Variants in OR4K17 observed in about 807,000 individuals in gnomAD.
OR4K17 encodes the protein olfactory receptor 4K17.
For synonymous variants in OR4K17, 157 were observed against 132.8 expected (o/e 1.18, Z -1.25); for missense variants, 480 against 366.3 (o/e 1.31, Z -2.53).
intron 1 of OR4K17, among the ~76,000 whole-genome samples, chr14:20,115,443 GTTA>G (rs945154381): frequency 1.3e-5 from 2 of 152,050 alleles, no homozygotes; most frequent in Non-Finnish European, 1.5e-5. Context: ...ATATTTTCAT[GTTA>G]TTATATAGTT....
At position 20,120,820 on chromosome 14, in the gene OR4K17, T is replaced by A. The variant is rs138778561; in HGVS notation, c.*2382T>A. ...AACCACCACAAGCAGTTTCTCAAGC[T>A]GGACCCAGTGCCAAGAGGGATTCCT... On this transcript the variant is annotated 3_prime_UTR_variant, in exon 2 of 2. Transcript: ENST00000641386. 3 of 152,464 alleles carry A rather than the reference T, an allele frequency of 2.0e-5. No homozygotes were observed. Among genetic ancestry groups the A allele is most frequent in the Non-Finnish European group, 4.4e-5 (3 of 68,156 alleles). The allele number at this position is 152,464 out of a possible 1,614,324, so 9.4% of individuals were successfully genotyped here. A position where few individuals can be genotyped will look rare whatever the true frequency, so the allele number is the denominator to read the frequency against.
chr14:20,112,720 G>T (rs1340379099), intron 1 of OR4K17, among the ~76,000 whole-genome samples: 2 of 152,052 alleles, frequency 1.3e-5, no homozygotes, highest in South Asian at 4.1e-4. Context: ...TACATCTGTC[G>T]AGGTGAGACA....
In OR4K17 at chr14:20,119,033, G is replaced by A. The variant is rs1449015938; in HGVS notation, c.*595G>A. The A allele has an allele frequency of 1.3e-5, 2 of 152,152 alleles. No individual in the cohort carries two copies. The highest frequency in any genetic ancestry group is 1.9e-4 in the East Asian group (1 of 5,188). The allele number at this position is 152,152 out of a possible 1,614,324, so 9.4% of individuals were successfully genotyped here. On this transcript the variant is annotated 3_prime_UTR_variant, in exon 2 of 2. Transcript: ENST00000641386. ...CGTGTAAGACAGACATTGCCAGAGCGGCCATTTTAGAGACCTCCCCCTAGG... is the reference window on the plus strand; with the variant it reads ...CGTGTAAGACAGACATTGCCAGAGCAGCCATTTTAGAGACCTCCCCCTAGG...
At chr14:20,113,213 A>G (rs575721775) in intron 1 of OR4K17, among the ~76,000 whole-genome samples, 13 of 152,218 alleles carry the variant, frequency 8.5e-5, no homozygotes, top group African/African-American at 3.1e-4. Context: ...GCAACAAAAT[A>G]TGAAAAATAA....
rs781439003 is a variant in OR4K17 at position 20,117,607 on chromosome 14, G to A, written c.108G>A (p.Val36=). Residue 36 remains valine, a synonymous_variant, in exon 2 of 2, where the codon GTG becomes GTA. Coordinates refer to ENST00000641386, the MANE Select transcript of OR4K17 (RefSeq NM_001004715.5). ...LLFALFSVIY[V]VTVLGNLLII... The stretch of plus-strand genomic sequence containing the variant: ...TTGCCCTCTTCTCGGTTATCTATGT[G>A]GTCACAGTTTTGGGTAACCTTCTTA... 2.5e-6 allele frequency: 4 copies of A among 1,613,550 alleles called. No individual in the cohort carries two copies. The highest frequency in any genetic ancestry group is 2.7e-5 in the African/African-American group (2 of 74,788).
chr14:20,114,699 C>G (rs1283708811), intron 1 of OR4K17, among the ~76,000 whole-genome samples: 6 of 151,996 alleles, frequency 3.9e-5, no homozygotes, highest in Non-Finnish European at 8.8e-5. Flanking sequence ...CCCAAGTCCT[C>G]ATTCACTGAA....
chr14:20,119,561 C>A lies in OR4K17; in HGVS notation c.*1123C>A. ...TCTTCTGTCACGGCTTCAGCAGGTC[C>A]CTCTGTTCGGGGTCCCTGACTTCCC... On this transcript the variant is annotated 3_prime_UTR_variant, in exon 2 of 2. Coordinates refer to ENST00000641386, the MANE Select transcript of OR4K17 (RefSeq NM_001004715.5). The A allele has an allele frequency of 6.6e-6, 1 of 152,616 alleles. No individual in the cohort carries two copies. The highest frequency in any genetic ancestry group is 1.9e-4 in the South Asian group (1 of 5,140). 9.5% of individuals were successfully genotyped at this position (152,616 alleles called of 1,614,324 possible).
intron 1 of OR4K17, among the ~76,000 whole-genome samples, chr14:20,112,932 T>C (rs1487821361): frequency 6.6e-6 from 1 of 152,048 alleles, no homozygotes; most frequent in East Asian, 1.9e-4. Context: ...TTATGCAAAA[T>C]GCTGTAGGCA....
intron 1 of OR4K17, among the ~76,000 whole-genome samples, chr14:20,116,007 T>C (rs1877983240): frequency 6.6e-6 from 1 of 152,128 alleles, no homozygotes; most frequent in African/African-American, 2.4e-5. Flanking sequence ...AATAGATTCA[T>C]AAAAGATAAT....
rs965495414 is a variant in OR4K17 at position 20,119,379 on chromosome 14, A to G, written c.*941A>G. 1 of 152,380 alleles carries G rather than the reference A, an allele frequency of 6.6e-6. No individual in the cohort carries two copies. The highest frequency in any genetic ancestry group is 1.9e-4 in the East Asian group (1 of 5,188). The allele number at this position is 152,380 out of a possible 1,614,324, so 9.4% of individuals were successfully genotyped here. A position where few individuals can be genotyped will look rare whatever the true frequency, so the allele number is the denominator to read the frequency against. On this transcript the variant is annotated 3_prime_UTR_variant, in exon 2 of 2. Transcript: ENST00000641386. The stretch of plus-strand genomic sequence containing the variant: ...TTAAGAGATTAAAGTAAAGACAGGC[A>G]TAGGAAATCACAAGAGTATTGATTG...
chr14:20,113,640 G>A (rs1202583855), intron 1 of OR4K17, among the ~76,000 whole-genome samples: 1 of 151,940 alleles, frequency 6.6e-6, no homozygotes, highest in Admixed American at 6.6e-5. Context: ...AAAAAGTAAT[G>A]ACCAGTGGAC....
rs551262813 is a variant in OR4K17 at position 20,117,810 on chromosome 14, T to C, written c.311T>C (p.Leu104Pro). The change falls in exon 2 of 2, where the codon CTT becomes CCT. Residue 104 changes from leucine (L) to proline (P), a missense_variant. Coordinates refer to ENST00000641386, the MANE Select transcript of OR4K17 (RefSeq NM_001004715.5). ...GGGTGCTTCACTCAGATATTTCTCCTTCACTTACTGGGTGGGGTTGAAATG... is the reference window on the plus strand; with the variant it reads ...GGGTGCTTCACTCAGATATTTCTCCCTCACTTACTGGGTGGGGTTGAAATG... ...FAGCFTQIFL[L>P]HLLGGVEMVL... 72 of 1,614,146 alleles carry C rather than the reference T, an allele frequency of 4.5e-5. No individual in the cohort carries two copies. The East Asian group carries it at 1.5e-3, about 33-fold the overall frequency.
chr14:20,121,466 C>T lies in OR4K17; in HGVS notation c.*3028C>T, dbSNP rs895117733. 2.6e-5 allele frequency: 4 copies of T among 151,896 alleles called. No homozygotes were observed. Among genetic ancestry groups the T allele is most frequent in the African/African-American group, 9.7e-5 (4 of 41,298 alleles). The allele number at this position is 151,896 out of a possible 1,614,324, so 9.4% of individuals were successfully genotyped here. ...TAACATAAAAATATGTAAATTGTGA[C>T]AGTAAAAACATAAAATGTGTGGGGG... On this transcript the variant is annotated 3_prime_UTR_variant, in exon 2 of 2. Coordinates refer to ENST00000641386, the MANE Select transcript of OR4K17 (RefSeq NM_001004715.5).
rs377369679 is a variant in OR4K17, at chr14:20,117,910, C to T, written c.411C>T (p.Asn137=). The change falls in exon 2 of 2, where the codon AAC becomes AAT. Residue 137 remains asparagine (N), a synonymous_variant. Coordinates refer to ENST00000641386, the MANE Select transcript of OR4K17 (RefSeq NM_001004715.5). ...CCCTACACTACATGACCATCATGAA[C>T]AAGAAGGTATGTGTTTTGCTTGTAG... ...CKPLHYMTIM[N]KKVCVLLVVT... 5 of 1,614,028 alleles carry T rather than the reference C, an allele frequency of 3.1e-6. No homozygotes were observed. In the South Asian group the frequency reaches 5.5e-5, roughly 18 times the overall value.
Position 20,118,628 on chromosome 14 carries a change from C to T in OR4K17, c.*190C>T. ...GAGAGAAATTTTAAAGCTGGGTGTC[C>T]AGGGGAGACATCACATGTCAGCGGG... On this transcript the variant is annotated 3_prime_UTR_variant, in exon 2 of 2. Coordinates refer to ENST00000641386, the MANE Select transcript of OR4K17 (RefSeq NM_001004715.5). 1 of 454,492 alleles carries T rather than the reference C, an allele frequency of 2.2e-6. No individual in the cohort carries two copies. Among genetic ancestry groups the T allele is most frequent in the South Asian group, 2.9e-5 (1 of 34,710 alleles). 28.2% of individuals were successfully genotyped at this position (454,492 alleles called of 1,614,324 possible).
intron 1 of OR4K17, among the ~76,000 whole-genome samples, chr14:20,115,174 C>T (rs1265391239): frequency 6.6e-6 from 1 of 151,978 alleles, no homozygotes; most frequent in African/African-American, 2.4e-5. Flanking sequence ...TCTTTGTTTA[C>T]AGACATCTTC....
Position 20,117,018 on chromosome 14 carries a change from G to A in OR4K17, c.-32-450G>A, listed in dbSNP as rs75318713. On this transcript the variant is annotated intron_variant, in intron 1 of 1. Transcript: ENST00000641386. ...CCTTCAAAACTCTGGGGATGATTCA[G>A]AACTAAAACAGAATTTCTTAAGGTC... Among the ~76,000 whole-genome samples the A allele has an allele frequency of 7.7e-3, 1,178 of 152,136 alleles. 13 individuals carry two copies. The highest frequency in any genetic ancestry group is 0.013 in the Admixed American group (202 of 15,264).
chr14:20,117,289 A>T, intron 1 of OR4K17, 179 bp from the exon 2 acceptor site: 1 of 677,824 alleles, frequency 1.5e-6, no homozygotes, highest in Non-Finnish European at 2.4e-6. Flanking sequence ...TTGCTCTTTT[A>T]TGGAAGTGGA....
intron 1 of OR4K17, among the ~76,000 whole-genome samples, chr14:20,112,387 C>T (rs1877900875): frequency 6.6e-6 from 1 of 152,036 alleles, no homozygotes; most frequent in South Asian, 2.1e-4. Context: ...AATCTCTCTG[C>T]TTTGGAAAAC....
Sources: gnomAD v4.1 joint callset for allele counts (sites outside exome capture counted in the v4.1 genomes callset) on GRCh38, gnomAD v4.1.1 for gene constraint, MANE v1.5 for transcripts, NCBI Gene and HGNC (gene_info 2026-07-23, HGNC 2026-07-21) for gene names.